The following ZSWIM5 variants were observed in gnomAD, a reference collection of about 807,000 sequenced individuals.
The protein encoded by ZSWIM5 is zinc finger SWIM domain-containing protein 5.
Under a neutral mutation model 119.6 loss-of-function variants are expected in ZSWIM5, and 55 were observed. That is an observed-to-expected ratio of 0.46 (90% CI 0.37 to 0.58). ZSWIM5 has a LOEUF of 0.58. Ranked by LOEUF, ZSWIM5 falls within the 20% of genes least tolerant of loss-of-function variation. ZSWIM5 has a pLI of 0.00. For missense variants in ZSWIM5, 1,193 were observed against 1,512.8 expected (o/e 0.79, Z 3.51); for synonymous variants, 537 against 606.9 (o/e 0.88, Z 1.69).
chr1:45,017,304 C>T lies in ZSWIM5; in HGVS notation c.*1150G>A, dbSNP rs1644859986. The stretch of plus-strand genomic sequence containing the variant: ...AAGACACAGATGCATGGATAACAAG[C>T]ATACACATGGATACAAACATGTTTA... On this transcript the variant is annotated 3_prime_UTR_variant, in exon 14 of 14. Transcript: ENST00000359600. 6.6e-6 allele frequency: 1 copy of T among 152,218 alleles called. No individual in the cohort carries two copies. The highest frequency in any genetic ancestry group is 2.1e-4 in the South Asian group (1 of 4,832). The allele number at this position is 152,218 out of a possible 1,614,324, so 9.4% of individuals were successfully genotyped here. A position where few individuals can be genotyped will look rare whatever the true frequency, so the allele number is the denominator to read the frequency against.
intron 4 of ZSWIM5, among the ~76,000 whole-genome samples, chr1:45,053,218 G>A (rs1645100313): frequency 6.6e-6 from 1 of 151,888 alleles, no homozygotes; most frequent in African/African-American, 2.4e-5. Context: ...AGTTTAAGAA[G>A]GGCTTTTCAT....
intron 1 of ZSWIM5, among the ~76,000 whole-genome samples, chr1:45,186,843 A>T (rs1047178737): frequency 6.6e-6 from 1 of 152,092 alleles, no homozygotes; most frequent in African/African-American, 2.4e-5. Context: ...TACCTGCCCT[A>T]GTCCTCCCAA....
chr1:45,161,013 G>C (rs1305590113), intron 1 of ZSWIM5, among the ~76,000 whole-genome samples: 1 of 109,618 alleles, frequency 9.1e-6, no homozygotes, highest in Non-Finnish European at 2.0e-5. Context: ...TTTTAGTAGA[G>C]ACGGTGTTTC....
intron 2 of ZSWIM5, among the ~76,000 whole-genome samples, chr1:45,077,388 G>T (rs1261816887): frequency 6.6e-6 from 1 of 152,054 alleles, no homozygotes; most frequent in Non-Finnish European, 1.5e-5. Context: ...GATCCGTGAT[G>T]CCCCACAAGC....
intron 1 of ZSWIM5, among the ~76,000 whole-genome samples, chr1:45,108,436 T>C (rs1249862366): frequency 1.3e-5 from 2 of 152,174 alleles, no homozygotes; most frequent in Non-Finnish European, 2.9e-5. Context: ...TATTGCATGA[T>C]CAATGGTTTA....
intron 1 of ZSWIM5, among the ~76,000 whole-genome samples, chr1:45,118,784 T>C (rs1021390076): frequency 8.6e-5 from 13 of 151,922 alleles, no homozygotes; most frequent in African/African-American, 2.9e-4. Flanking sequence ...AAAATTATTT[T>C]ATTGGACGAA....
chr1:45,067,431 C>T (rs569711640), intron 2 of ZSWIM5, among the ~76,000 whole-genome samples: 7 of 100,652 alleles, frequency 7.0e-5, no homozygotes, highest in African/African-American at 2.8e-4. Flanking sequence ...GAGAGTAAGA[C>T]CCTGCCTCAA....
chr1:45,063,223 T>A (rs1465230514), intron 2 of ZSWIM5, among the ~76,000 whole-genome samples: 3 of 152,212 alleles, frequency 2.0e-5, no homozygotes, highest in Admixed American at 1.3e-4. Context: ...TCCAATCCAC[T>A]GCTGTTGGGC....
chr1:45,094,867 A>G (rs1337931130), intron 1 of ZSWIM5, among the ~76,000 whole-genome samples: 1 of 152,008 alleles, frequency 6.6e-6, no homozygotes, highest in African/African-American at 2.4e-5. Context: ...AAGCAAAAAA[A>G]AAAAAAACAA....
intron 1 of ZSWIM5, among the ~76,000 whole-genome samples, chr1:45,177,444 G>C (rs1645988208): frequency 6.6e-6 from 1 of 152,016 alleles, no homozygotes; most frequent in South Asian, 2.1e-4. Flanking sequence ...AACAGCAATA[G>C]AGCAATTTCT....
rs1017759447 is a variant in ZSWIM5, at chr1:45,130,492, C to G, written c.596-42255G>C. Among the ~76,000 whole-genome samples, 18 of 151,862 alleles carry G rather than the reference C, an allele frequency of 1.2e-4. No homozygotes were observed. In the East Asian group the frequency reaches 1.7e-3, roughly 15 times the overall value. ...GACAGATGGCAAATAAAAAGATGTT[C>G]AACATAACAGGCCACTAGGGAAAAA... On this transcript the variant is annotated intron_variant, in intron 1 of 13. Transcript: ENST00000359600.
In ZSWIM5 at chr1:45,162,556, AT is replaced by A. The variant is rs1464265488; in HGVS notation, c.595+43199del. On this transcript the variant is annotated intron_variant, in intron 1 of 13. Transcript: ENST00000359600. The stretch of plus-strand genomic sequence containing the variant: ...CCCAGGAAGTGCAAGAGGTCAGGGA[AT>A]TCCCTTTCCTAGCCAAGGGAAGCGG... Among the ~76,000 whole-genome samples the A allele has an allele frequency of 3.3e-5, 5 of 152,364 alleles. No homozygotes were observed. In the East Asian group the frequency reaches 7.7e-4, roughly 23 times the overall value.
intron 11 of ZSWIM5, among the ~76,000 whole-genome samples, chr1:45,026,570 A>G (rs1201524167): frequency 6.6e-6 from 1 of 152,230 alleles, no homozygotes; most frequent in Non-Finnish European, 1.5e-5. Flanking sequence ...CATACTTGAA[A>G]TAAATCCTAC....
chr1:45,043,141 T>C (rs1263005795), intron 6 of ZSWIM5, 78 bp downstream of exon 6: 1 of 1,396,370 alleles, frequency 7.2e-7, no homozygotes, highest in East Asian at 2.3e-5. Flanking sequence ...GAGTTGCAGG[T>C]ACGTATGAAG....
At chr1:45,034,559 C>G in intron 10 of ZSWIM5, 90 bp from the exon 11 acceptor site, 7 of 1,446,942 alleles carry the variant, frequency 4.8e-6, no homozygotes, top group Non-Finnish European at 6.5e-6. Flanking sequence ...TGGGGAGGAA[C>G]TGGGGAGAGG....
chr1:45,109,796 T>G (rs1160200776), intron 1 of ZSWIM5, among the ~76,000 whole-genome samples: 1 of 152,076 alleles, frequency 6.6e-6, no homozygotes, highest in Non-Finnish European at 1.5e-5. Context: ...TTCAGAAAGA[T>G]TCCCTGAACA....
At chr1:45,180,569 A>G (rs1416370941) in intron 1 of ZSWIM5, among the ~76,000 whole-genome samples, 3 of 152,090 alleles carry the variant, frequency 2.0e-5, no homozygotes, top group African/African-American at 7.2e-5. Context: ...TGACAGCTTT[A>G]AGGAGAGCAG....
At chr1:45,108,907 CATG>C (rs1645497381) in intron 1 of ZSWIM5, among the ~76,000 whole-genome samples, 1 of 152,112 alleles carries the variant, frequency 6.6e-6, no homozygotes, top group South Asian at 2.1e-4. Context: ...TTAAAAACTC[CATG>C]ATATTTTATT....
At chr1:45,171,445 C>T (rs2149045376) in intron 1 of ZSWIM5, among the ~76,000 whole-genome samples, 3 of 152,164 alleles carry the variant, frequency 2.0e-5, no homozygotes, top group African/African-American at 7.2e-5. Flanking sequence ...TGGTAGGTAA[C>T]TGACAAAGAT....
Sources: allele counts gnomAD v4.1 joint callset (sites outside exome capture counted in the v4.1 genomes callset), GRCh38; gene constraint gnomAD v4.1.1; transcripts MANE v1.5; gene names NCBI Gene and HGNC (gene_info 2026-07-23, HGNC 2026-07-21).